Variants in STON2 observed in about 807,000 individuals in gnomAD.
The protein encoded by STON2 is stonin 2, also known as stonin-2.
A neutral mutation model predicts 65.7 loss-of-function variants in STON2; 29 were observed. That is an observed-to-expected ratio of 0.44 (90% confidence interval 0.33 to 0.60). STON2 has a LOEUF of 0.60. STON2 is among the 20% of genes least tolerant of loss of function. The pLI, the probability that STON2 is intolerant of heterozygous loss-of-function variation, is 0.03. For synonymous variants in STON2, 404 were observed against 414.2 expected, an observed-to-expected ratio of 0.98 and a Z score of 0.30; for missense variants, 1,054 against 1,118.1, an observed-to-expected ratio of 0.94 and a Z score of 0.82.
chr14:81,380,133 TAAATC>T (rs1899444086), intron 3 of STON2, among the ~76,000 whole-genome samples: 1 of 151,778 alleles, frequency 6.6e-6, no homozygotes, highest in African/African-American at 2.4e-5. Context: ...ATAAGAAACT[TAAATC>T]AACAAGCAAA....
At chr14:81,338,060 C>T (rs1897445193) in intron 4 of STON2, among the ~76,000 whole-genome samples, 1 of 152,214 alleles carries the variant, frequency 6.6e-6, no homozygotes. Context: ...GGAGAATCTT[C>T]TGTTCTAATA....
At chr14:81,329,756 C>A (rs560573548) in intron 4 of STON2, among the ~76,000 whole-genome samples, 1 of 151,976 alleles carries the variant, frequency 6.6e-6, no homozygotes, top group Non-Finnish European at 1.5e-5. Context: ...TGGCTTAAAC[C>A]GTTTAGTGGG....
rs1396432480 is a variant in STON2, at chr14:81,313,813, ACACAC to A, written c.742+10199_742+10203del. Among the ~76,000 whole-genome samples the A allele has an allele frequency of 3.6e-3, 60 of 16,826 alleles. 1 individual carries two copies. In the South Asian group the frequency reaches 0.048, roughly 14 times the overall value. 11.0% of individuals were successfully genotyped at this position (16,826 alleles called of 152,430 possible). A position where few individuals can be genotyped will look rare whatever the true frequency, so the allele number is the denominator to read the frequency against. Reference sequence around the variant, plus strand: ...CCGTCTCAAAAAAAAAAAAAAATACACACACACACACACACACACACACACACTAA... The same window carrying A: ...CCGTCTCAAAAAAAAAAAAAAATACAACACACACACACACACACACACTAA... On this transcript the variant is annotated intron_variant, in intron 5 of 7. Transcript: ENST00000614646.
rs550934045 is a variant in STON2 at position 81,358,758 on chromosome 14, T to C, written c.571+12230A>G. Among the ~76,000 whole-genome samples the C allele has an allele frequency of 4.6e-5, 7 of 152,182 alleles. 1 individual carries two copies. The highest frequency in any genetic ancestry group is 3.9e-4 in the Admixed American group (6 of 15,266). ...ATAGCTATACTTATATCAGGCAAAATAGACCTTCAGTCAAAAACAGTAAGA... is the reference window on the plus strand; with the variant it reads ...ATAGCTATACTTATATCAGGCAAAACAGACCTTCAGTCAAAAACAGTAAGA... On this transcript the variant is annotated intron_variant, in intron 4 of 7. Transcript: ENST00000614646.
chr14:81,316,902 C>T (rs750853603), intron 5 of STON2, among the ~76,000 whole-genome samples: 5 of 152,156 alleles, frequency 3.3e-5, no homozygotes, highest in Non-Finnish European at 7.4e-5. Flanking sequence ...CACCTGTAGT[C>T]CCAGCTACAT....
At chr14:81,435,048 A>G (rs747451937) in intron 1 of STON2, among the ~76,000 whole-genome samples, 1 of 152,150 alleles carries the variant, frequency 6.6e-6, no homozygotes, top group Non-Finnish European at 1.5e-5. Context: ...ACTTCCCCCA[A>G]ATCAGCCATG....
chr14:81,425,437 T>C (rs929971145), intron 2 of STON2, among the ~76,000 whole-genome samples: 5 of 152,054 alleles, frequency 3.3e-5, no homozygotes, highest in Non-Finnish European at 5.9e-5. Flanking sequence ...CTGGGCACGG[T>C]GGCTCACACC....
rs745574107 is a variant in STON2 at position 81,396,116 on chromosome 14, C to A, written c.151G>T (p.Gly51Trp). 1 of 1,613,972 alleles carries A rather than the reference C, an allele frequency of 6.2e-7. No homozygotes were observed. The highest frequency in any genetic ancestry group is 8.5e-7 in the Non-Finnish European group (1 of 1,180,024). Residue 51 changes from glycine (G) to tryptophan (W), a missense_variant, in exon 3 of 8, where the codon GGG becomes TGG. Physicochemically the swap from Gly to Trp is radical, Grantham distance 184. Transcript: ENST00000614646. Reference sequence around the variant, plus strand: ...CCTCCATCCACCACATGGTTCTCCCCGGAGGAGCTCTCGGACTGGTCTGGG... The same window carrying A: ...CCTCCATCCACCACATGGTTCTCCCAGGAGGAGCTCTCGGACTGGTCTGGG... ...SSPDQSESSS[G>W]ENHVVDGGSQ...
intron 5 of STON2, among the ~76,000 whole-genome samples, chr14:81,304,232 CACTGTAAA>C (rs1324870733): frequency 6.6e-6 from 1 of 152,140 alleles, no homozygotes; most frequent in African/African-American, 2.4e-5. Flanking sequence ...ATGGAGGAGC[CACTGTAAA>C]GTGTATCTAC....
At chr14:81,349,953 A>G in intron 4 of STON2, among the ~76,000 whole-genome samples, 1 of 152,172 alleles carries the variant, frequency 6.6e-6, no homozygotes, top group East Asian at 1.9e-4. Context: ...GGAGGTCATT[A>G]TGTTAAGTGA....
intron 2 of STON2, among the ~76,000 whole-genome samples, chr14:81,423,667 CA>C (rs956860097): frequency 1.3e-5 from 2 of 152,174 alleles, no homozygotes; most frequent in African/African-American, 4.8e-5. Flanking sequence ...GGCATAAAAC[CA>C]AAACAGCCTG....
At chr14:81,291,287 A>G (rs1292701184) in intron 5 of STON2, among the ~76,000 whole-genome samples, 1 of 152,220 alleles carries the variant, frequency 6.6e-6, no homozygotes, top group Non-Finnish European at 1.5e-5. Flanking sequence ...AATGTATATG[A>G]AGACATATAC....
At chr14:81,286,319 T>C (rs181145921) in intron 5 of STON2, among the ~76,000 whole-genome samples, 20 of 152,276 alleles carry the variant, frequency 1.3e-4, no homozygotes, top group African/African-American at 3.4e-4. Context: ...CAGACAAATC[T>C]TTCATGAAAG....
rs775032285 is a variant in STON2, at chr14:81,354,794, G to A, written c.571+16194C>T. On this transcript the variant is annotated intron_variant, in intron 4 of 7. Transcript: ENST00000614646. ...AGCACTTTGGGAGGCCAAGGAGGGCGGATCATGAGGTCAGGAGTTCAAGAC... is the reference window on the plus strand; with the variant it reads ...AGCACTTTGGGAGGCCAAGGAGGGCAGATCATGAGGTCAGGAGTTCAAGAC... 5.3e-4 allele frequency among the ~76,000 whole-genome samples: 81 copies of A among 152,184 alleles called. 1 individual carries two copies. The highest frequency in any genetic ancestry group is 7.5e-4 in the Non-Finnish European group (51 of 67,998).
chr14:81,426,431 C>A (rs916900203), intron 2 of STON2, among the ~76,000 whole-genome samples: 1 of 152,180 alleles, frequency 6.6e-6, no homozygotes, highest in African/African-American at 2.4e-5. Context: ...TAAATACCTT[C>A]ATTCCTTCAC....
At chr14:81,379,698 A>G (rs181845449) in intron 3 of STON2, among the ~76,000 whole-genome samples, 1 of 152,334 alleles carries the variant, frequency 6.6e-6, no homozygotes, top group African/African-American at 2.4e-5. Flanking sequence ...CTGCACACCT[A>G]CAACCATCTG....
At chr14:81,297,978 G>A (rs985906322) in intron 5 of STON2, among the ~76,000 whole-genome samples, 6 of 152,106 alleles carry the variant, frequency 3.9e-5, no homozygotes, top group Non-Finnish European at 8.8e-5. Flanking sequence ...CAGAGGTTGT[G>A]GTGAGCCAAG....
At position 81,283,272 on chromosome 14, in the gene STON2, T is replaced by C. The variant is rs1019872255; in HGVS notation, c.743-4533A>G. ...CAGTAGTAGTCAAAGCCACTAAAACTGAATAAAAAGTAAGAACTATGGCAG... is the reference window on the plus strand; with the variant it reads ...CAGTAGTAGTCAAAGCCACTAAAACCGAATAAAAAGTAAGAACTATGGCAG... On this transcript the variant is annotated intron_variant, in intron 5 of 7. Coordinates refer to ENST00000614646, the MANE Select transcript of STON2 (RefSeq NM_001394390.1). 2.1e-4 allele frequency among the ~76,000 whole-genome samples: 32 copies of C among 152,294 alleles called. No individual in the cohort carries two copies. In the South Asian group the frequency reaches 5.6e-3, roughly 27 times the overall value.
chr14:81,329,988 C>T (rs1018647809), intron 4 of STON2, among the ~76,000 whole-genome samples: 3 of 152,208 alleles, frequency 2.0e-5, no homozygotes, highest in African/African-American at 7.2e-5. Context: ...CAGCTTCCGT[C>T]TTCCTCCACA....
Sources: allele counts gnomAD v4.1 joint callset (sites outside exome capture counted in the v4.1 genomes callset), GRCh38; gene constraint gnomAD v4.1.1; transcripts MANE v1.5; gene names NCBI Gene and HGNC (gene_info 2026-07-23, HGNC 2026-07-21).